Variants in PCDHGA5 observed in about 807,000 individuals in gnomAD.
PCDHGA5 encodes the protein protocadherin gamma-A5.
PCDHGA5 carries 36 observed loss-of-function variants against 56.7 expected under a neutral mutation model. That is an observed-to-expected ratio of 0.64 (90% CI 0.49 to 0.84). The LOEUF is 0.84. Ranked by LOEUF, PCDHGA5 falls within the 40% of genes least tolerant of loss-of-function variation. The pLI, the probability that PCDHGA5 is intolerant of heterozygous loss-of-function variation, is 0.00. For missense variants in PCDHGA5, 1,305 were observed against 1,201.5 expected, an observed-to-expected ratio of 1.09 and a Z score of -1.27; for synonymous variants, 563 against 520.2, an observed-to-expected ratio of 1.08 and a Z score of -1.12.
chr5:141,460,270 C>G (rs1223096441), intron 1 of PCDHGA5, among the ~76,000 whole-genome samples: 1 of 151,828 alleles, frequency 6.6e-6, no homozygotes, highest in Non-Finnish European at 1.5e-5. Context: ...TTTATTTTTT[C>G]TTTTATAGTT....
chr5:141,375,199 C>G lies in PCDHGA5; in HGVS notation c.2421+8448C>G, dbSNP rs188091361. ...CAGTAATCGCCCTTTTTCAAGTGTT[C>G]GATCGAGACTCTGGCCTGAATGGCC... On this transcript the variant is annotated intron_variant, in intron 1 of 3. Coordinates refer to ENST00000518069, the MANE Select transcript of PCDHGA5 (RefSeq NM_018918.3). The G allele has an allele frequency of 5.2e-5, 84 of 1,613,924 alleles. No individual in the cohort carries two copies. In the East Asian group the frequency reaches 1.8e-3, roughly 35 times the overall value.
chr5:141,478,672 A>G (rs1216792401), intron 1 of PCDHGA5: 22 of 1,551,540 alleles, frequency 1.4e-5, no homozygotes, highest in Admixed American at 2.0e-5. Flanking sequence ...CACACTTTCA[A>G]CTGGCCCTTC....
At chr5:141,402,037 G>A (rs749684542) in intron 1 of PCDHGA5, among the ~76,000 whole-genome samples, 24 of 152,118 alleles carry the variant, frequency 1.6e-4, no homozygotes, top group Non-Finnish European at 2.9e-4. Flanking sequence ...CACAGTCTGT[G>A]CATGCATTAC....
intron 1 of PCDHGA5, among the ~76,000 whole-genome samples, chr5:141,401,410 A>C (rs536817103): frequency 6.6e-6 from 1 of 152,236 alleles, no homozygotes; most frequent in South Asian, 2.1e-4. Flanking sequence ...TGAGAGAGAA[A>C]GAGAGAGACT....
At chr5:141,393,583 C>A in intron 1 of PCDHGA5, 1 of 1,613,930 alleles carries the variant, frequency 6.2e-7, no homozygotes, top group Non-Finnish European at 8.5e-7. Context: ...AACATGCCCC[C>A]AGGCACGCGG....
intron 1 of PCDHGA5, chr5:141,392,785 T>C: frequency 1.3e-6 from 2 of 1,549,118 alleles, no homozygotes; most frequent in Non-Finnish European, 1.7e-6. Flanking sequence ...ACAGTGAAGA[T>C]TCTGAGAGGA....
intron 1 of PCDHGA5, chr5:141,410,406 C>A (rs1361000460): frequency 6.2e-7 from 1 of 1,614,050 alleles, no homozygotes; most frequent in Non-Finnish European, 8.5e-7. Flanking sequence ...TGTGTCAAGT[C>A]TGGACCTGTA....
intron 1 of PCDHGA5, chr5:141,388,285 C>T (rs773340535): frequency 1.9e-6 from 3 of 1,613,200 alleles, no homozygotes; most frequent in Non-Finnish European, 2.5e-6. Flanking sequence ...CCAAAATTCA[C>T]GCAAAATTCC....
intron 1 of PCDHGA5, chr5:141,370,440 A>G (rs1390213172): frequency 6.2e-7 from 1 of 1,605,404 alleles, no homozygotes; most frequent in Non-Finnish European, 8.5e-7. Flanking sequence ...GCAGAGGCGA[A>G]TGCTATTTCT....
At chr5:141,381,826 C>CTTTTTTTTT (rs770630741) in intron 1 of PCDHGA5, among the ~76,000 whole-genome samples, 22 of 74,282 alleles carry the variant, frequency 3.0e-4, no homozygotes, top group African/African-American at 5.6e-4. Context: ...CTTTCTTCTT[C>CTTTTTTTTT]TTTTTTTTTT....
intron 2 of PCDHGA5, among the ~76,000 whole-genome samples, chr5:141,499,370 AT>A (rs932083472): frequency 2.0e-5 from 3 of 152,170 alleles, no homozygotes. Context: ...TAGCAACTTA[AT>A]TTTTTTCCAC....
At position 141,372,283 on chromosome 5, in the gene PCDHGA5, G is replaced by T. The variant is rs749946527; in HGVS notation, c.2421+5532G>T. On this transcript the variant is annotated intron_variant, in intron 1 of 3. Coordinates refer to ENST00000518069, the MANE Select transcript of PCDHGA5 (RefSeq NM_018918.3). Reference sequence around the variant, plus strand: ...CGCACGGGTGAGGTGCGCACGGCGCGTACCTTGGGCGACAGGGAGGCCGCC... The same window carrying T: ...CGCACGGGTGAGGTGCGCACGGCGCTTACCTTGGGCGACAGGGAGGCCGCC... 2.9e-5 allele frequency: 47 copies of T among 1,613,080 alleles called. No individual in the cohort carries two copies. Among genetic ancestry groups the T allele is most frequent in the Non-Finnish European group, 2.7e-5 (32 of 1,179,872 alleles).
At chr5:141,415,445 A>G (rs1225407576) in intron 1 of PCDHGA5, 7 of 1,614,202 alleles carry the variant, frequency 4.3e-6, no homozygotes, top group South Asian at 1.1e-5. Flanking sequence ...CTGCAGACCT[A>G]TTCCCACGAG....
chr5:141,420,540 A>G, intron 1 of PCDHGA5: 1 of 306,814 alleles, frequency 3.3e-6, no homozygotes, highest in Non-Finnish European at 5.7e-6. Context: ...AAAAATATAA[A>G]ATACAGGTAT....
intron 1 of PCDHGA5, among the ~76,000 whole-genome samples, chr5:141,474,136 G>A (rs1383142266): frequency 1.3e-5 from 2 of 152,056 alleles, no homozygotes; most frequent in East Asian, 3.8e-4. Context: ...AAAACTACAG[G>A]CCTTATTATC....
chr5:141,374,534 C>T (rs868822562), intron 1 of PCDHGA5: 2 of 1,613,096 alleles, frequency 1.2e-6, no homozygotes, highest in Non-Finnish European at 1.7e-6. Flanking sequence ...TCCATCCTCT[C>T]GTTTTCCACT....
Position 141,366,170 on chromosome 5 carries a change from C to T in PCDHGA5, c.1840C>T (p.Pro614Ser). 6.2e-7 allele frequency: 1 copy of T among 1,614,082 alleles called. No homozygotes were observed. The highest frequency in any genetic ancestry group is 8.5e-7 in the Non-Finnish European group (1 of 1,180,054). ...LSYRLLKASE[P>S]GLFAVGLHTG... ...CTACCGCCTGCTTAAGGCCAGCGAG[C>T]CAGGACTCTTTGCGGTTGGGCTGCA... Residue 614 changes from proline to serine, a missense_variant, in exon 1 of 4, where the codon CCA becomes TCA. Transcript: ENST00000518069.
intron 1 of PCDHGA5, chr5:141,409,184 T>G: frequency 6.2e-7 from 1 of 1,614,044 alleles, no homozygotes; most frequent in East Asian, 2.2e-5. Context: ...AGGTGGTCTC[T>G]CTACCCAGTG....
At chr5:141,496,994 T>A (rs2099773177) in intron 2 of PCDHGA5, among the ~76,000 whole-genome samples, 1 of 151,862 alleles carries the variant, frequency 6.6e-6, no homozygotes, top group Non-Finnish European at 1.5e-5. Flanking sequence ...GAGACCAGCC[T>A]GGCAGCCAAC....
Sources: allele counts gnomAD v4.1 joint callset (sites outside exome capture counted in the v4.1 genomes callset), GRCh38; gene constraint gnomAD v4.1.1; transcripts MANE v1.5; gene names NCBI Gene and HGNC (gene_info 2026-07-23, HGNC 2026-07-21).